The following SSBP2 variants were observed in gnomAD, a reference collection of about 807,000 sequenced individuals.
SSBP2 encodes single-stranded DNA-binding protein 2.
In SSBP2, 17 loss-of-function variants were observed where a neutral mutation model predicts 61.8. The observed-to-expected ratio is 0.28, with a 90% CI of 0.19 to 0.41. The LOEUF is 0.41. Ranked by LOEUF, SSBP2 falls within the 10% of genes least tolerant of loss-of-function variation. SSBP2 has a pLI of 1.00. For missense variants in SSBP2, 310 were observed against 458.7 expected, an observed-to-expected ratio of 0.68 and a Z score of 2.96; for synonymous variants, 139 against 141.3, an observed-to-expected ratio of 0.98 and a Z score of 0.12.
intron 4 of SSBP2, among the ~76,000 whole-genome samples, chr5:81,516,123 T>G (rs915990502): frequency 1.1e-4 from 16 of 152,024 alleles, no homozygotes; most frequent in African/African-American, 3.1e-4. Context: ...CCCAGTAAAA[T>G]AGGCAAGGAT....
chr5:81,459,831 A>G (rs1486302454), intron 10 of SSBP2, among the ~76,000 whole-genome samples: 1 of 152,188 alleles, frequency 6.6e-6, no homozygotes, highest in Non-Finnish European at 1.5e-5. Flanking sequence ...GCAAATGAAA[A>G]TAATTTTGAG....
chr5:81,581,522 A>T (rs1774646873), intron 4 of SSBP2, among the ~76,000 whole-genome samples: 1 of 152,246 alleles, frequency 6.6e-6, no homozygotes, highest in African/African-American at 2.4e-5. Context: ...AACCTTTTAA[A>T]AACAGTAGAG....
At chr5:81,441,273 T>G (rs3792924) in intron 13 of SSBP2, among the ~76,000 whole-genome samples, 2 of 152,294 alleles carry the variant, frequency 1.3e-5, no homozygotes, top group East Asian at 3.9e-4. Context: ...TTCCTTTCTT[T>G]TCAGGTGGAA....
chr5:81,731,245 C>T (rs1403315918), intron 1 of SSBP2, among the ~76,000 whole-genome samples: 1 of 152,146 alleles, frequency 6.6e-6, no homozygotes. Flanking sequence ...TTCCTTGGGT[C>T]ATTCAAATAT....
chr5:81,654,056 T>A (rs2153722843), intron 1 of SSBP2, among the ~76,000 whole-genome samples: 1 of 151,964 alleles, frequency 6.6e-6, no homozygotes, highest in African/African-American at 2.4e-5. Context: ...AGTGGTGTGA[T>A]CATAGCCATC....
intron 16 of SSBP2, 67 bp downstream of exon 16, chr5:81,428,518 G>C: frequency 8.1e-7 from 1 of 1,234,096 alleles, no homozygotes; most frequent in Non-Finnish European, 1.2e-6. Flanking sequence ...GTGGCTTTAT[G>C]CATTTATTCT....
intron 1 of SSBP2, among the ~76,000 whole-genome samples, chr5:81,721,974 G>A (rs1755568268): frequency 6.6e-6 from 1 of 151,874 alleles, no homozygotes; most frequent in South Asian, 2.1e-4. Context: ...TTTACTAAAA[G>A]TTATGGTCTA....
chr5:81,473,422 C>T (rs1171848848), intron 8 of SSBP2, among the ~76,000 whole-genome samples: 3 of 152,084 alleles, frequency 2.0e-5, no homozygotes, highest in South Asian at 2.1e-4. Flanking sequence ...TCCACCCTCC[C>T]GACTGGCCCT....
intron 2 of SSBP2, 56 bp downstream of exon 2, chr5:81,650,210 GT>G (rs1239605871): frequency 1.8e-5 from 22 of 1,213,522 alleles, no homozygotes; most frequent in Admixed American, 2.4e-5. Context: ...ATTATAGTGT[GT>G]TTTCCATTCA....
At chr5:81,462,599 G>A (rs890607729) in intron 9 of SSBP2, among the ~76,000 whole-genome samples, 3 of 152,110 alleles carry the variant, frequency 2.0e-5, no homozygotes, top group Non-Finnish European at 4.4e-5. Context: ...AGATGATGAT[G>A]GAGATGATGA....
chr5:81,719,466 A>C (rs1209032514), intron 1 of SSBP2, among the ~76,000 whole-genome samples: 1 of 152,198 alleles, frequency 6.6e-6, no homozygotes, highest in Non-Finnish European at 1.5e-5. Flanking sequence ...TGACAGTGGA[A>C]TCACTGTGGG....
intron 4 of SSBP2, among the ~76,000 whole-genome samples, chr5:81,598,435 C>T (rs953919281): frequency 2.7e-5 from 4 of 147,188 alleles, no homozygotes; most frequent in African/African-American, 9.9e-5. Context: ...AAGAGACAAG[C>T]GTTCCCTACT....
At chr5:81,650,538 A>G (rs1257318191) in intron 1 of SSBP2, among the ~76,000 whole-genome samples, 199 bp from the exon 2 acceptor site, 1 of 152,140 alleles carries the variant, frequency 6.6e-6, no homozygotes, top group Non-Finnish European at 1.5e-5. Context: ...GTAGCACATG[A>G]AGAAAAAGAC....
intron 3 of SSBP2, among the ~76,000 whole-genome samples, chr5:81,616,828 C>A (rs779332337): frequency 3.0e-3 from 464 of 152,242 alleles, no homozygotes; most frequent in Non-Finnish European, 5.5e-3. Flanking sequence ...GGAGGCACCC[C>A]CCAGCAGGGG....
chr5:81,484,371 T>C (rs999239071), intron 6 of SSBP2, among the ~76,000 whole-genome samples: 1 of 152,076 alleles, frequency 6.6e-6, no homozygotes, highest in Non-Finnish European at 1.5e-5. Context: ...TAAGACTGAA[T>C]AGAATTCACT....
At chr5:81,500,349 G>A (rs960132982) in intron 5 of SSBP2, among the ~76,000 whole-genome samples, 1 of 152,086 alleles carries the variant, frequency 6.6e-6, no homozygotes, top group African/African-American at 2.4e-5. Flanking sequence ...AAGTAGCTGG[G>A]ACTACAGGCA....
rs946522146 is a variant in SSBP2, at chr5:81,703,017, G to C, written c.62+47964C>G. On this transcript the variant is annotated intron_variant, in intron 1 of 16. Coordinates refer to ENST00000320672, the MANE Select transcript of SSBP2 (RefSeq NM_012446.5). ...ACAGACAAGTTGGTCATTTTAATGA[G>C]GGATTTTTGTCTGTTTTATTCTTTT... is the stretch of plus-strand genomic sequence containing the variant. 3.3e-5 allele frequency among the ~76,000 whole-genome samples: 5 copies of C among 152,162 alleles called. 1 individual carries two copies. The highest frequency in any genetic ancestry group is 9.7e-5 in the African/African-American group (4 of 41,446).
intron 1 of SSBP2, among the ~76,000 whole-genome samples, chr5:81,667,177 G>A (rs1219297421): frequency 5.3e-5 from 8 of 152,082 alleles, no homozygotes; most frequent in African/African-American, 1.7e-4. Context: ...GTACAAGGAC[G>A]GAGACATCCA....
intron 4 of SSBP2, among the ~76,000 whole-genome samples, chr5:81,599,700 T>G (rs1036097182): frequency 6.6e-6 from 1 of 152,222 alleles, no homozygotes; most frequent in Non-Finnish European, 1.5e-5. Context: ...AGCTCTGACA[T>G]CTCTGCTTTT....
Sources: allele counts gnomAD v4.1 joint callset (sites outside exome capture counted in the v4.1 genomes callset), GRCh38; gene constraint gnomAD v4.1.1; transcripts MANE v1.5; gene names NCBI Gene and HGNC (gene_info 2026-07-23, HGNC 2026-07-21).